RIF1: variants seen among roughly 807,000 people sequenced by gnomAD.
The protein encoded by RIF1 is telomere-associated protein RIF1.
Under a neutral mutation model 247.1 loss-of-function variants are expected in RIF1, and 45 were observed. The ratio of observed to expected loss-of-function variants is 0.18; its 90% confidence interval spans 0.14 to 0.23. The LOEUF is 0.23. RIF1 is among the 10% of genes least tolerant of loss of function. The probability of loss-of-function intolerance (pLI) is 1.00; values close to 1 mark genes in which losing one functional copy is unlikely to be tolerated. For synonymous variants in RIF1, 1,087 were observed against 978.8 expected, an observed-to-expected ratio of 1.11 and a Z score of -2.06; for missense variants, 2,967 against 2,862.5, an observed-to-expected ratio of 1.04 and a Z score of -0.83.
the RIF1 span, chr2:151,527,454 C>CAATCGTCT: frequency 6.5e-7 from 1 of 1,528,512 alleles, no homozygotes; most frequent in Non-Finnish European, 9.0e-7. Flanking sequence ...TATGCAGTTA[C>CAATCGTCT]AATCGTCTGT....
intron 23 of RIF1, 27 bp downstream of exon 23, chr2:151,456,647 CATA>C: frequency 7.7e-7 from 1 of 1,301,124 alleles, no homozygotes; most frequent in Non-Finnish European, 1.1e-6. Flanking sequence ...CTCCATAAAC[CATA>C]CTTTCATGAT....
chr2:151,437,203 G>A, intron 12 of RIF1, 38 bp from the exon 13 acceptor site: 1 of 1,478,340 alleles, frequency 6.8e-7, no homozygotes, highest in Non-Finnish European at 9.4e-7. Flanking sequence ...TCATAAATCT[G>A]TTGTTTTACA....
chr2:151,463,360 A>T lies in RIF1; in HGVS notation c.3840A>T (p.Ile1280=). 2 of 1,613,990 alleles carry T rather than the reference A, an allele frequency of 1.2e-6. No homozygotes were observed. Among genetic ancestry groups the T allele is most frequent in the Non-Finnish European group, 1.7e-6 (2 of 1,179,970 alleles). ...GTFSKSDSEK[I]VNGTKRSSRR... ...TTTCAAAATCTGATTCTGAAAAAAT[A>T]GTGAATGGAACTAAGAGATCAAGCC... is the stretch of plus-strand genomic sequence containing the variant. The change falls in exon 30 of 36, where the codon ATA becomes ATT. Residue 1280 remains isoleucine (I), a synonymous_variant. Coordinates refer to ENST00000444746, the MANE Select transcript of RIF1 (RefSeq NM_018151.5).
downstream of RIF1, among the ~76,000 whole-genome samples, chr2:151,482,550 C>A (rs1300260255): frequency 2.0e-5 from 3 of 152,092 alleles, no homozygotes; most frequent in Non-Finnish European, 2.9e-5. Context: ...GCAGAGGTGG[C>A]ACTGCCAGGC....
At chr2:151,466,166 G>C in intron 30 of RIF1, 46 bp downstream of exon 30, 1 of 1,250,414 alleles carries the variant, frequency 8.0e-7, no homozygotes, top group Admixed American at 2.3e-5. Context: ...TATTTGGTTG[G>C]GATATTTTGG....
chr2:151,410,797 G>C (rs1211119907), intron 2 of RIF1, among the ~76,000 whole-genome samples: 2 of 152,184 alleles, frequency 1.3e-5, no homozygotes, highest in Non-Finnish European at 2.9e-5. Context: ...GTTTCGGTTG[G>C]AAGTAGTTGT....
intron 9 of RIF1, chr2:151,490,304 A>T (rs2055287848): frequency 6.6e-7 from 1 of 1,522,740 alleles, no homozygotes; most frequent in African/African-American, 1.4e-5. Flanking sequence ...TACTCAAAGC[A>T]TCTCTTATAG....
At chr2:151,440,221 C>T (rs1692035180) in intron 15 of RIF1, 94 bp downstream of exon 15, 1 of 717,238 alleles carries the variant, frequency 1.4e-6, no homozygotes, top group Non-Finnish European at 2.4e-6. Context: ...TTTGGGAAGA[C>T]TTTTTTATAT....
intron 12 of RIF1, among the ~76,000 whole-genome samples, chr2:151,504,824 G>A (rs1044694377): frequency 3.3e-5 from 5 of 152,142 alleles, no homozygotes; most frequent in Non-Finnish European, 5.9e-5. Context: ...TGGGGGACAC[G>A]TGCCCTGCAA....
In RIF1 at chr2:151,478,685, GAGAAT is replaced by G. The variant is rs2049046898; in HGVS notation, c.*3618_*3622del. ...TTATTTTTTTAAGGTGTAAAGGAGT[GAGAAT>G]AGAGTAATTGCTTTTTAAAAAGAAA... On this transcript the variant is annotated 3_prime_UTR_variant, in exon 36 of 36. Transcript: ENST00000444746. The G allele has an allele frequency of 1.3e-5, 2 of 152,130 alleles. No homozygotes were observed. Among genetic ancestry groups the G allele is most frequent in the South Asian group, 4.1e-4 (2 of 4,826 alleles). The allele number at this position is 152,130 out of a possible 1,614,324, so 9.4% of individuals were successfully genotyped here.
At chr2:151,442,387 TTA>T (rs1692477068) in intron 16 of RIF1, among the ~76,000 whole-genome samples, 1 of 149,500 alleles carries the variant, frequency 6.7e-6, no homozygotes, top group Non-Finnish European at 1.5e-5. Context: ...TCCCTTTTTT[TTA>T]AAAAAAAAAA....
At chr2:151,499,011 G>C (rs1028212584) in intron 10 of RIF1, among the ~76,000 whole-genome samples, 1 of 142,444 alleles carries the variant, frequency 7.0e-6, no homozygotes, top group Non-Finnish European at 1.5e-5. Flanking sequence ...TTTAGGTTCA[G>C]ATCAAATTTG....
At chr2:151,444,831 T>G (rs946653241) in intron 18 of RIF1, among the ~76,000 whole-genome samples, 3 of 152,188 alleles carry the variant, frequency 2.0e-5, no homozygotes, top group Non-Finnish European at 2.9e-5. Flanking sequence ...TTCCCCAGAT[T>G]GCAATTAACA....
chr2:151,491,058 G>GGGGT (rs61122586), intron 9 of RIF1: 9,516 of 150,394 alleles, frequency 0.063, 1,005 homozygotes, highest in African/African-American at 0.22. Flanking sequence ...TTTTTGAGAT[G>GGGGT]GGGTCTCTGT....
chr2:151,416,454 A>G (rs996576254), intron 4 of RIF1, 107 bp from the exon 5 acceptor site: 2 of 1,047,878 alleles, frequency 1.9e-6, no homozygotes, highest in African/African-American at 1.6e-5. Context: ...CTCTGGATAT[A>G]CATTTAATTT....
chr2:151,467,884 GAAAT>G (rs1697198654), intron 30 of RIF1, 112 bp from the exon 31 acceptor site: 15 of 934,720 alleles, frequency 1.6e-5, no homozygotes, highest in Non-Finnish European at 2.1e-5. Flanking sequence ...GACTTCTGGT[GAAAT>G]AAATTTTCTA....
intron 6 of RIF1, among the ~76,000 whole-genome samples, chr2:151,417,354 GT>G (rs1342192073): frequency 1.3e-5 from 2 of 152,076 alleles, no homozygotes; most frequent in African/African-American, 4.8e-5. Context: ...TGTCTTCCCT[GT>G]TTTTTGTTCT....
At chr2:151,450,859 C>A (rs1694193045) in intron 20 of RIF1, among the ~76,000 whole-genome samples, 1 of 152,210 alleles carries the variant, frequency 6.6e-6, no homozygotes, top group African/African-American at 2.4e-5. Flanking sequence ...GCTGGGATTG[C>A]AGGCGTGAGC....
intron 10 of RIF1, among the ~76,000 whole-genome samples, chr2:151,498,901 A>AAACT: frequency 6.6e-6 from 1 of 152,176 alleles, no homozygotes; most frequent in African/African-American, 2.4e-5. Context: ...TAAAAAAAAG[A>AAACT]AACTTCAAAA....
Sources: allele counts gnomAD v4.1 joint callset (sites outside exome capture counted in the v4.1 genomes callset), GRCh38; gene constraint gnomAD v4.1.1; transcripts MANE v1.5; gene names NCBI Gene and HGNC (gene_info 2026-07-23, HGNC 2026-07-21).